Variants in GALM observed in about 807,000 individuals in gnomAD.
GALM encodes aldose 1-epimerase.
A neutral mutation model predicts 37.4 loss-of-function variants in GALM; 43 were observed. The ratio of observed to expected loss-of-function variants is 1.15; its 90% CI spans 0.90 to 1.48. The LOEUF (loss-of-function observed/expected upper bound fraction) is 1.48. Among genes scored for constraint, GALM ranks in the 40% most tolerant of loss-of-function variants. The probability of loss-of-function intolerance (pLI) is 0.00; values close to 1 mark genes in which losing one functional copy is unlikely to be tolerated. For synonymous variants in GALM, 199 were observed against 170.6 expected, an observed-to-expected ratio of 1.17 and a Z score of -1.30; for missense variants, 456 against 419.1, an observed-to-expected ratio of 1.09 and a Z score of -0.77.
chr2:38,668,520 A>G (rs961189347), intron 1 of GALM: 2 of 152,246 alleles, frequency 1.3e-5, no homozygotes, highest in African/African-American at 4.8e-5. Flanking sequence ...TTGTTAAGAA[A>G]GGATCCTGGG....
intron 1 of GALM, among the ~76,000 whole-genome samples, chr2:38,672,073 G>C (rs755040072): frequency 6.6e-6 from 1 of 151,942 alleles, no homozygotes; most frequent in African/African-American, 2.4e-5. Flanking sequence ...CCAAACCAAG[G>C]AACTGGCCTG....
chr2:38,688,093 TC>T (rs1257141450), intron 3 of GALM, among the ~76,000 whole-genome samples: 2 of 151,388 alleles, frequency 1.3e-5, no homozygotes, highest in Non-Finnish European at 2.9e-5. Flanking sequence ...ACGCTTGTAA[TC>T]CCAGCTGCTC....
intron 4 of GALM, among the ~76,000 whole-genome samples, chr2:38,708,200 C>A (rs72795182): frequency 4.0e-4 from 60 of 151,842 alleles, no homozygotes; most frequent in Non-Finnish European, 7.2e-4. Context: ...CTTGGGAGAC[C>A]GAGGCAAGAG....
At position 38,718,834 on chromosome 2, in the gene GALM, A is replaced by C. The variant is rs557656881; in HGVS notation, c.635-10722A>C. ...TCCTCTTCTCAGAGAGTCAGGCATGAGGGCCACCAGGCAGGGGAAAAAATG... is the reference window on the plus strand; with the variant it reads ...TCCTCTTCTCAGAGAGTCAGGCATGCGGGCCACCAGGCAGGGGAAAAAATG... On this transcript the variant is annotated intron_variant, in intron 4 of 6. Transcript: ENST00000272252. Among the ~76,000 whole-genome samples the C allele has an allele frequency of 6.6e-5, 10 of 152,028 alleles. 1 individual carries two copies. The highest frequency in any genetic ancestry group is 2.4e-4 in the African/African-American group (10 of 41,482).
At chr2:38,673,906 G>T in intron 1 of GALM, among the ~76,000 whole-genome samples, 1 of 151,834 alleles carries the variant, frequency 6.6e-6, no homozygotes, top group East Asian at 1.9e-4. Flanking sequence ...TAAATGAAAA[G>T]TTGCAGAACA....
chr2:38,691,251 G>A (rs1665665449), intron 4 of GALM, among the ~76,000 whole-genome samples: 1 of 152,206 alleles, frequency 6.6e-6, no homozygotes, highest in Non-Finnish European at 1.5e-5. Context: ...CGGTTGAGTT[G>A]ATCAGATGAA....
chr2:38,715,825 G>T (rs1666259945), intron 4 of GALM, among the ~76,000 whole-genome samples: 1 of 152,170 alleles, frequency 6.6e-6, no homozygotes, highest in Non-Finnish European at 1.5e-5. Flanking sequence ...CTTACCACTT[G>T]CTGAGTAGGG....
intron 4 of GALM, among the ~76,000 whole-genome samples, chr2:38,715,096 T>G (rs964031183): frequency 6.6e-6 from 1 of 152,226 alleles, no homozygotes; most frequent in Non-Finnish European, 1.5e-5. Context: ...ACTTGATCCT[T>G]TTTATCATTA....
At chr2:38,684,632 C>A (rs1275451110) in intron 3 of GALM, among the ~76,000 whole-genome samples, 3 of 152,164 alleles carry the variant, frequency 2.0e-5, no homozygotes, top group Admixed American at 6.5e-5. Context: ...ATGGTAAAAA[C>A]CCGTCTCCAC....
chr2:38,689,035 G>T (rs1665609742), intron 3 of GALM, among the ~76,000 whole-genome samples: 1 of 152,142 alleles, frequency 6.6e-6, no homozygotes, highest in South Asian at 2.1e-4. Context: ...GGTCAGGCTG[G>T]TCTCGAACTC....
intron 4 of GALM, among the ~76,000 whole-genome samples, chr2:38,718,160 G>A (rs1284617177): frequency 6.8e-6 from 1 of 147,908 alleles, no homozygotes. Flanking sequence ...CAAATAACAT[G>A]CTTAATATTT....
At chr2:38,681,549 G>C (rs1442730678) in intron 3 of GALM, 63 bp downstream of exon 3, 16 of 1,360,756 alleles carry the variant, frequency 1.2e-5, no homozygotes, top group Middle Eastern at 1.9e-4. Flanking sequence ...GCTGTGGCTA[G>C]AGAGATCAGA....
intron 4 of GALM, among the ~76,000 whole-genome samples, chr2:38,697,257 G>C (rs951804543): frequency 2.0e-5 from 3 of 152,136 alleles, no homozygotes; most frequent in African/African-American, 7.2e-5. Flanking sequence ...TTGTGCGTGG[G>C]TTTGTCGCAG....
rs1267319668 is a variant in GALM at position 38,715,759 on chromosome 2, GT to G, written c.635-13795del. On this transcript the variant is annotated intron_variant, in intron 4 of 6. Transcript: ENST00000272252. ...GCAATCGAGTTTTCCTAACTCCAGA[GT>G]TACGCTGTTATTTCCCTCTGCTACT... 6.6e-5 allele frequency among the ~76,000 whole-genome samples: 10 copies of G among 152,274 alleles called. No individual in the cohort carries two copies. In the East Asian group the frequency reaches 1.7e-3, roughly 26 times the overall value.
intron 1 of GALM, chr2:38,669,491 A>G (rs906405218): frequency 6.6e-6 from 1 of 152,256 alleles, no homozygotes; most frequent in Non-Finnish European, 1.5e-5. Flanking sequence ...GCCTTCTTCA[A>G]TCCGGTGTCT....
intron 4 of GALM, among the ~76,000 whole-genome samples, chr2:38,721,412 C>G (rs1666373681): frequency 2.0e-5 from 3 of 152,148 alleles, no homozygotes; most frequent in South Asian, 4.1e-4. Flanking sequence ...TAAGTCATCC[C>G]CCGTCCCAGT....
chr2:38,732,519 AC>A (rs1666628529), intron 6 of GALM, among the ~76,000 whole-genome samples: 1 of 152,098 alleles, frequency 6.6e-6, no homozygotes, highest in African/African-American at 2.4e-5. Flanking sequence ...CTGCAGCCAC[AC>A]TTAAGGAGAG....
intron 4 of GALM, 125 bp from the exon 5 acceptor site, chr2:38,729,431 C>A: frequency 1.6e-6 from 1 of 606,362 alleles, no homozygotes; most frequent in Non-Finnish European, 2.6e-6. Context: ...AGGATCTGGG[C>A]TCCCATCTCC....
intron 4 of GALM, chr2:38,698,539 C>T (rs1404179216): frequency 2.0e-6 from 1 of 501,988 alleles, no homozygotes; most frequent in African/African-American, 2.0e-5. Flanking sequence ...AAAAAAATGA[C>T]ACCCATAAAG....
Sources: gnomAD v4.1 joint callset for allele counts (sites outside exome capture counted in the v4.1 genomes callset) on GRCh38, gnomAD v4.1.1 for gene constraint, MANE v1.5 for transcripts, NCBI Gene and HGNC (gene_info 2026-07-23, HGNC 2026-07-21) for gene names.